CPN1: variants seen among roughly 807,000 people sequenced by gnomAD.
The protein encoded by CPN1 is carboxypeptidase N catalytic chain.
CPN1 carries 37 observed loss-of-function variants against 46.4 expected under a neutral mutation model. The observed-to-expected ratio is 0.80, with a 90% CI of 0.61 to 1.05. The LOEUF is 1.05. Ranked by LOEUF, CPN1 falls within the 50% of genes least tolerant of loss-of-function variation. CPN1 has a pLI of 0.00. For missense variants in CPN1, 563 were observed against 602.6 expected (o/e 0.93, Z 0.69); for synonymous variants, 224 against 235.4 (o/e 0.95, Z 0.44).
chr10:100,054,007 G>A (rs1286126669), intron 7 of CPN1, among the ~76,000 whole-genome samples: 1 of 152,144 alleles, frequency 6.6e-6, no homozygotes, highest in African/African-American at 2.4e-5. Context: ...GCTATTAACA[G>A]GCTTAAGCCC....
intron 1 of CPN1, among the ~76,000 whole-genome samples, chr10:100,079,705 G>A (rs746748002): frequency 6.6e-6 from 1 of 152,230 alleles, no homozygotes; most frequent in South Asian, 2.1e-4. Flanking sequence ...GGCTTTTAAA[G>A]TAGGAAAGTG....
intron 8 of CPN1, among the ~76,000 whole-genome samples, chr10:100,043,421 G>T (rs1381404564): frequency 6.6e-6 from 1 of 151,464 alleles, no homozygotes; most frequent in South Asian, 2.1e-4. Context: ...GTAAAGAAAA[G>T]AAAGAAAAAT....
At chr10:100,078,784 C>T (rs748403451) in intron 1 of CPN1, among the ~76,000 whole-genome samples, 6 of 152,176 alleles carry the variant, frequency 3.9e-5, no homozygotes, top group Non-Finnish European at 8.8e-5. Flanking sequence ...CTTAAAAAAC[C>T]CTCCAGTGGC....
intron 3 of CPN1, among the ~76,000 whole-genome samples, chr10:100,066,436 G>T (rs1427280116): frequency 2.0e-5 from 3 of 152,166 alleles, no homozygotes; most frequent in Non-Finnish European, 4.4e-5. Flanking sequence ...TACAGTGATG[G>T]TTTTCAACCT....
chr10:100,049,384 T>C (rs1200337098), intron 7 of CPN1, among the ~76,000 whole-genome samples: 2 of 151,630 alleles, frequency 1.3e-5, no homozygotes, highest in African/African-American at 4.9e-5. Context: ...TGCCTCAGCC[T>C]CCCAAGTAGC....
At chr10:100,060,880 G>A (rs537436432) in intron 5 of CPN1, among the ~76,000 whole-genome samples, 14 of 152,110 alleles carry the variant, frequency 9.2e-5, no homozygotes, top group African/African-American at 3.4e-4. Flanking sequence ...ATCAACAGAC[G>A]AATGGATAAA....
intron 3 of CPN1, among the ~76,000 whole-genome samples, chr10:100,066,476 A>T (rs1398605299): frequency 6.6e-6 from 1 of 152,252 alleles, no homozygotes; most frequent in East Asian, 1.9e-4. Flanking sequence ...ATTGACATGT[A>T]GAACACACTC....
intron 1 of CPN1, among the ~76,000 whole-genome samples, chr10:100,077,859 G>T (rs923976010): frequency 6.6e-6 from 1 of 151,602 alleles, no homozygotes; most frequent in African/African-American, 2.4e-5. Flanking sequence ...AATAAAATTT[G>T]GAAGATCTGT....
rs12240314 is a variant in CPN1, at chr10:100,070,708, G to A, written c.421-839C>T. Reference sequence around the variant, plus strand: ...CAAGTTCCCTGCAGATCACGTGTAAGAGGTACATATCTCAAGAGAAGTTCT... The same window carrying A: ...CAAGTTCCCTGCAGATCACGTGTAAAAGGTACATATCTCAAGAGAAGTTCT... On this transcript the variant is annotated intron_variant, in intron 2 of 8. Coordinates refer to ENST00000370418, the MANE Select transcript of CPN1 (RefSeq NM_001308.3). 3.4e-3 allele frequency among the ~76,000 whole-genome samples: 520 copies of A among 152,310 alleles called. 2 individuals are homozygous for A. Among genetic ancestry groups the A allele is most frequent in the African/African-American group, 0.012 (485 of 41,578 alleles).
At chr10:100,050,423 A>G (rs1368363516) in intron 7 of CPN1, among the ~76,000 whole-genome samples, 3 of 152,096 alleles carry the variant, frequency 2.0e-5, no homozygotes, top group Admixed American at 1.3e-4. Context: ...AAAGGAATGG[A>G]CTGCTTTATG....
intron 3 of CPN1, among the ~76,000 whole-genome samples, chr10:100,068,595 C>A (rs945298623): frequency 6.6e-6 from 1 of 152,164 alleles, no homozygotes; most frequent in Non-Finnish European, 1.5e-5. Context: ...GTCACCCAGG[C>A]TGGAGCAGGC....
At chr10:100,066,378 T>G (rs2041454917) in intron 3 of CPN1, among the ~76,000 whole-genome samples, 2 of 152,350 alleles carry the variant, frequency 1.3e-5, no homozygotes, top group South Asian at 2.1e-4. Context: ...CTAAGTCATC[T>G]TAGCAGAAAT....
At chr10:100,043,950 G>A (rs1475028361) in intron 8 of CPN1, among the ~76,000 whole-genome samples, 2 of 152,100 alleles carry the variant, frequency 1.3e-5, no homozygotes, top group Admixed American at 6.6e-5. Context: ...TGGAAGAGCC[G>A]TAGAACTATC....
rs191110465 is a variant in CPN1, at chr10:100,049,532, G to C, written c.1112-656C>G. ...CCAGCCTTGGCCTCCCAAAGTGCTGGGATTACAGGCATGAGCCACCGAGCC... is the reference window on the plus strand; with the variant it reads ...CCAGCCTTGGCCTCCCAAAGTGCTGCGATTACAGGCATGAGCCACCGAGCC... On this transcript the variant is annotated intron_variant, in intron 7 of 8. Transcript: ENST00000370418. Among the ~76,000 whole-genome samples the C allele has an allele frequency of 6.6e-3, 1,004 of 151,952 alleles. 16 individuals carry two copies. Among genetic ancestry groups the C allele is most frequent in the African/African-American group, 0.023 (952 of 41,444 alleles).
intron 8 of CPN1, among the ~76,000 whole-genome samples, chr10:100,046,557 G>A (rs2041313391): frequency 6.6e-6 from 1 of 152,172 alleles, no homozygotes; most frequent in Non-Finnish European, 1.5e-5. Flanking sequence ...TGGATCACCT[G>A]AGGTCAGGAG....
At chr10:100,069,661 A>G (rs1179505916) in intron 3 of CPN1, 53 bp downstream of exon 3, 1 of 1,611,464 alleles carries the variant, frequency 6.2e-7, no homozygotes, top group Non-Finnish European at 8.5e-7. Flanking sequence ...GTCTTTCTGC[A>G]AGAAATTCCA....
chr10:100,072,074 A>C (rs924289617), intron 2 of CPN1, among the ~76,000 whole-genome samples: 1 of 152,158 alleles, frequency 6.6e-6, no homozygotes, highest in African/African-American at 2.4e-5. Flanking sequence ...TCCACGTACA[A>C]GTCTTTGTGT....
At chr10:100,066,567 C>CTATTGCA (rs1388696444) in intron 3 of CPN1, among the ~76,000 whole-genome samples, 31 of 152,330 alleles carry the variant, frequency 2.0e-4, no homozygotes, top group South Asian at 4.1e-4. Flanking sequence ...TTCCACCTTT[C>CTATTGCA]TATTGCATAT....
Position 100,069,817 on chromosome 10 carries a change from T to C in CPN1, c.473A>G (p.Asp158Gly). 6.2e-7 allele frequency: 1 copy of C among 1,613,888 alleles called. No individual in the cohort carries two copies. ...GAGATCAGGGAAGTTGCGGTTCAGG[T>C]CCACTCCATTTGCATTGTTCCTGCC... ...LVGRNNANGVDLNRNFPDLNT... is the reference protein window; with the variant it reads ...LVGRNNANGVGLNRNFPDLNT... The change falls in exon 3 of 9, where the codon GAC becomes GGC. Residue 158 changes from aspartate (D) to glycine (G), a missense_variant. Transcript: ENST00000370418.
Sources: allele counts gnomAD v4.1 joint callset (sites outside exome capture counted in the v4.1 genomes callset), GRCh38; gene constraint gnomAD v4.1.1; transcripts MANE v1.5; gene names NCBI Gene and HGNC (gene_info 2026-07-23, HGNC 2026-07-21).